The following SLC38A6 variants were observed in gnomAD, a reference collection of about 807,000 sequenced individuals.
SLC38A6 encodes the protein solute carrier family 38 member 6, also known as N system amino acid transporter NAT-1.
SLC38A6 carries 73 observed loss-of-function variants against 65.0 expected under a neutral mutation model. The observed-to-expected ratio is 1.12, with a 90% confidence interval of 0.93 to 1.37. SLC38A6 has a LOEUF of 1.37. Ranked by LOEUF, SLC38A6 falls within the 40% of genes most tolerant of loss-of-function variation. The pLI is 0.00. For synonymous variants in SLC38A6, 183 were observed against 178.8 expected (o/e 1.02, Z -0.19); for missense variants, 561 against 531.1 (o/e 1.06, Z -0.55).
Position 61,007,229 on chromosome 14 carries a change from C to T in SLC38A6, c.311-8675C>T, listed in dbSNP as rs1270056768. On this transcript the variant is annotated intron_variant, in intron 3 of 15. Transcript: ENST00000267488. ...AGGAGATATACCTAATGCTAAATGA[C>T]GAGTTAATGGGTGCAGCACACCAGC... Among the ~76,000 whole-genome samples, 5 of 151,836 alleles carry T rather than the reference C, an allele frequency of 3.3e-5. No individual in the cohort carries two copies. In the South Asian group the frequency reaches 8.3e-4, roughly 25 times the overall value.
chr14:61,076,780 C>A (rs1181019789), intron 15 of SLC38A6, among the ~76,000 whole-genome samples: 2 of 152,150 alleles, frequency 1.3e-5, no homozygotes, highest in Non-Finnish European at 2.9e-5. Flanking sequence ...TGCCACAGCA[C>A]TGTTGTTTCT....
At chr14:61,019,445 C>T in intron 4 of SLC38A6, 96 bp from the exon 5 acceptor site, 1 of 1,230,200 alleles carries the variant, frequency 8.1e-7, no homozygotes, top group Non-Finnish European at 1.2e-6. Context: ...ACTTCTGCAT[C>T]TGCTTTTTTA....
At chr14:61,042,946 A>G (rs2041896624) in intron 8 of SLC38A6, among the ~76,000 whole-genome samples, 1 of 152,112 alleles carries the variant, frequency 6.6e-6, no homozygotes, top group Non-Finnish European at 1.5e-5. Context: ...TCTCTACTTA[A>G]CACCCTGCAG....
chr14:60,982,382 G>C, intron 1 of SLC38A6, 126 bp from the exon 2 acceptor site: 1 of 1,193,990 alleles, frequency 8.4e-7, no homozygotes, highest in Non-Finnish European at 1.2e-6. Flanking sequence ...GTTAAGCAAC[G>C]AGTGTGTCAT....
At chr14:60,988,965 G>A (rs948550988) in intron 3 of SLC38A6, among the ~76,000 whole-genome samples, 1 of 152,080 alleles carries the variant, frequency 6.6e-6, no homozygotes, top group Non-Finnish European at 1.5e-5. Flanking sequence ...ACACAATTCT[G>A]GTTCACTTCT....
intron 3 of SLC38A6, among the ~76,000 whole-genome samples, chr14:60,998,892 C>T (rs1010806108): frequency 6.6e-6 from 1 of 152,194 alleles, no homozygotes; most frequent in Non-Finnish European, 1.5e-5. Flanking sequence ...AGGGGACTCT[C>T]CCGTTTCAAC....
chr14:61,054,959 C>T (rs2042656359), downstream of SLC38A6, among the ~76,000 whole-genome samples: 1 of 152,024 alleles, frequency 6.6e-6, no homozygotes, highest in Non-Finnish European at 1.5e-5. Context: ...GGAAATGCTT[C>T]CAGGTTTTAT....
chr14:61,062,537 G>A (rs769620523), intron 15 of SLC38A6, among the ~76,000 whole-genome samples: 7 of 150,908 alleles, frequency 4.6e-5, no homozygotes, highest in East Asian at 1.9e-4. Flanking sequence ...ATGTTGCCCC[G>A]ACTGGATTTA....
At chr14:61,028,635 A>G (rs948661828) in intron 5 of SLC38A6, among the ~76,000 whole-genome samples, 3 of 152,110 alleles carry the variant, frequency 2.0e-5, no homozygotes, top group Non-Finnish European at 2.9e-5. Context: ...TAACTAAAAG[A>G]TTTTGCAGAA....
chr14:61,027,356 G>A (rs1415022268), intron 5 of SLC38A6, among the ~76,000 whole-genome samples: 3 of 152,112 alleles, frequency 2.0e-5, no homozygotes, highest in Non-Finnish European at 4.4e-5. Context: ...GGATGACCCA[G>A]TTGCAGCTAT....
At chr14:61,010,441 G>T (rs988602101) in intron 3 of SLC38A6, among the ~76,000 whole-genome samples, 1 of 152,156 alleles carries the variant, frequency 6.6e-6, no homozygotes, top group Non-Finnish European at 1.5e-5. Context: ...TTTTAGACAC[G>T]AAGTCCTTAA....
chr14:61,044,164 T>C (rs2041989861), intron 10 of SLC38A6, among the ~76,000 whole-genome samples: 1 of 152,198 alleles, frequency 6.6e-6, no homozygotes, highest in Non-Finnish European at 1.5e-5. Context: ...TGCAGGCTTA[T>C]TTGTCTATAC....
At chr14:61,009,494 A>G (rs549873630) in intron 3 of SLC38A6, among the ~76,000 whole-genome samples, 2 of 152,020 alleles carry the variant, frequency 1.3e-5, no homozygotes, top group Non-Finnish European at 2.9e-5. Flanking sequence ...CCATTAACTC[A>G]TCATTTAGCA....
intron 4 of SLC38A6, among the ~76,000 whole-genome samples, chr14:61,016,800 ATATT>A (rs752590823): frequency 1.3e-5 from 2 of 152,194 alleles, no homozygotes; most frequent in Non-Finnish European, 2.9e-5. Context: ...CAAATTGTAT[ATATT>A]TATTATGGAC....
In SLC38A6 at chr14:60,982,555, G is replaced by GTTTA. The variant is rs775825657; in HGVS notation, c.154_157dup (p.Asn53IlefsTer2). 5.6e-6 allele frequency: 9 copies of GTTTA among 1,613,834 alleles called. No individual in the cohort carries two copies. The Admixed American group carries it at 1.5e-4, about 27-fold the overall frequency. On this transcript the variant is annotated frameshift_variant, in exon 2 of 16. Coordinates refer to ENST00000267488, the MANE Select transcript of SLC38A6 (RefSeq NM_153811.3). LOFTEE classifies it high-confidence loss of function. Reference sequence around the variant, plus strand: ...CAGGTGTTTCATTTGGTTTATCAGTGTTTAATTTGATGAATGCCATCATGG... The same window carrying GTTTA: ...CAGGTGTTTCATTTGGTTTATCAGTGTTTATTTAATTTGATGAATGCCATCATGG...
chr14:61,016,941 C>T (rs1369385730), intron 4 of SLC38A6, among the ~76,000 whole-genome samples: 1 of 152,152 alleles, frequency 6.6e-6, no homozygotes, highest in Non-Finnish European at 1.5e-5. Context: ...CTATCTGTAA[C>T]TGGCTAAACT....
At chr14:61,082,590 T>C (rs1204875489) in intron 16 of SLC38A6, among the ~76,000 whole-genome samples, 1 of 152,184 alleles carries the variant, frequency 6.6e-6, no homozygotes, top group East Asian at 1.9e-4. Context: ...TGTAGTTTAA[T>C]TCCTGTTTGC....
chr14:61,024,403 TG>T (rs1288489767), intron 5 of SLC38A6, among the ~76,000 whole-genome samples: 1 of 152,200 alleles, frequency 6.6e-6, no homozygotes, highest in African/African-American at 2.4e-5. Flanking sequence ...GGTAACCCTC[TG>T]CAGCCCATTT....
intron 4 of SLC38A6, among the ~76,000 whole-genome samples, chr14:61,018,335 G>T (rs1237948806): frequency 2.0e-5 from 3 of 152,202 alleles, no homozygotes; most frequent in African/African-American, 7.2e-5. Context: ...TACATAGGCT[G>T]AAATGCAGAA....
Sources: gnomAD v4.1 joint callset for allele counts (sites outside exome capture counted in the v4.1 genomes callset) on GRCh38, gnomAD v4.1.1 for gene constraint, MANE v1.5 for transcripts, NCBI Gene and HGNC (gene_info 2026-07-23, HGNC 2026-07-21) for gene names.